CDK13: variants seen among roughly 807,000 people sequenced by gnomAD.
CDK13 encodes cyclin-dependent kinase 13.
A neutral mutation model predicts 137.6 loss-of-function variants in CDK13; 40 were observed. The ratio of observed to expected loss-of-function variants is 0.29; its 90% CI spans 0.23 to 0.38. CDK13 has a LOEUF of 0.38. Ranked by LOEUF, CDK13 falls within the 10% of genes least tolerant of loss-of-function variation. The pLI is 1.00. For synonymous variants in CDK13, 869 were observed against 760.1 expected, an observed-to-expected ratio of 1.14 and a Z score of -2.36; for missense variants, 1,704 against 1,951.8, an observed-to-expected ratio of 0.87 and a Z score of 2.39.
chr7:40,046,507 C>T (rs1785744380), intron 6 of CDK13, among the ~76,000 whole-genome samples: 1 of 150,782 alleles, frequency 6.6e-6, no homozygotes, highest in Non-Finnish European at 1.5e-5. Flanking sequence ...GTTAGCCTAG[C>T]GTGGTGGAGC....
intron 9 of CDK13, chr7:40,066,880 A>G (rs1367417891): frequency 6.6e-6 from 1 of 152,078 alleles, no homozygotes; most frequent in African/African-American, 2.4e-5. Context: ...TGTTTAAATT[A>G]TATATCTGTG....
intron 5 of CDK13, among the ~76,000 whole-genome samples, chr7:40,021,611 T>C (rs1414030719): frequency 3.3e-5 from 5 of 152,216 alleles, no homozygotes; most frequent in Non-Finnish European, 7.3e-5. Flanking sequence ...TTTTGAAAAC[T>C]AGTTAGAAAC....
intron 2 of CDK13, among the ~76,000 whole-genome samples, chr7:39,995,941 T>C (rs1176644764): frequency 1.3e-5 from 2 of 152,108 alleles, no homozygotes; most frequent in African/African-American, 2.4e-5. Flanking sequence ...ACTCGGGAGA[T>C]GGAGGTTGCA....
intron 11 of CDK13, among the ~76,000 whole-genome samples, chr7:40,087,503 A>G (rs1786814671): frequency 6.6e-6 from 1 of 150,792 alleles, no homozygotes; most frequent in South Asian, 2.1e-4. Flanking sequence ...ATGTACTATC[A>G]TAAGAACTGA....
intron 1 of CDK13, among the ~76,000 whole-genome samples, chr7:39,959,992 T>G (rs1291486657): frequency 1.3e-5 from 2 of 151,996 alleles, no homozygotes; most frequent in African/African-American, 4.8e-5. Context: ...GGTAGTAGTT[T>G]CTCCCAGGTA....
At chr7:40,038,729 C>T (rs1562742767) in intron 5 of CDK13, among the ~76,000 whole-genome samples, 1 of 152,062 alleles carries the variant, frequency 6.6e-6, no homozygotes, top group Admixed American at 6.6e-5. Context: ...GAGTTTCGCT[C>T]TTGTTGCCCA....
chr7:39,953,045 A>T (rs1049410637), intron 1 of CDK13: 1 of 152,148 alleles, frequency 6.6e-6, no homozygotes, highest in Non-Finnish European at 1.5e-5. Context: ...GATGTACAGT[A>T]CCTCTAAGTA....
At position 40,096,164 on chromosome 7, in the gene CDK13, A is replaced by G. The variant is rs1047247006; in HGVS notation, c.*1184A>G. On this transcript the variant is annotated 3_prime_UTR_variant, in exon 14 of 14. Coordinates refer to ENST00000181839, the MANE Select transcript of CDK13 (RefSeq NM_003718.5). ...GCAAATACCGTATTTTAAGTTATGC[A>G]ATTGCCCTTTTAAGAAAGTCAATTC... 6.6e-6 allele frequency: 1 copy of G among 152,142 alleles called. No homozygotes were observed. The highest frequency in any genetic ancestry group is 6.6e-5 in the Admixed American group (1 of 15,250). 9.4% of individuals were successfully genotyped at this position (152,142 alleles called of 1,614,324 possible). A position where few individuals can be genotyped will look rare whatever the true frequency, so the allele number is the denominator to read the frequency against.
chr7:40,042,149 G>A (rs1294346033), intron 5 of CDK13, among the ~76,000 whole-genome samples: 2 of 151,770 alleles, frequency 1.3e-5, no homozygotes, highest in Non-Finnish European at 2.9e-5. Flanking sequence ...GCGCGATCTC[G>A]GCTCACTGCA....
At chr7:40,025,294 C>T (rs192063255) in intron 5 of CDK13, among the ~76,000 whole-genome samples, 206 of 152,252 alleles carry the variant, frequency 1.4e-3, no homozygotes, top group Non-Finnish European at 2.6e-3. Flanking sequence ...TTCCAGCCTC[C>T]TGATGTGAAC....
chr7:40,044,746 C>T (rs1180928414), intron 5 of CDK13, among the ~76,000 whole-genome samples: 1 of 152,152 alleles, frequency 6.6e-6, no homozygotes, highest in Non-Finnish European at 1.5e-5. Flanking sequence ...ATGCCATTCT[C>T]CTGCCTCAGC....
intron 1 of CDK13, among the ~76,000 whole-genome samples, chr7:39,953,633 G>A (rs1263535205): frequency 1.3e-5 from 2 of 152,222 alleles, no homozygotes; most frequent in South Asian, 2.1e-4. Context: ...TTAGGTATTG[G>A]GATGTAGCAG....
chr7:39,991,857 G>T (rs1784460910), intron 2 of CDK13, among the ~76,000 whole-genome samples: 1 of 151,918 alleles, frequency 6.6e-6, no homozygotes, highest in African/African-American at 2.4e-5. Flanking sequence ...TTTGAGAGGA[G>T]CCTCGGCAAC....
At chr7:39,971,630 C>CTCACGTCTGTAA (rs111915526) in intron 1 of CDK13, among the ~76,000 whole-genome samples, 1 of 151,888 alleles carries the variant, frequency 6.6e-6, no homozygotes, top group Non-Finnish European at 1.5e-5. Flanking sequence ...GGTGTGGTGG[C>CTCACGTCTGTAA]TCGCAGCACT....
intron 1 of CDK13, among the ~76,000 whole-genome samples, chr7:39,972,449 A>G (rs959971767): frequency 5.9e-5 from 9 of 152,228 alleles, no homozygotes; most frequent in Non-Finnish European, 1.3e-4. Context: ...GAGAAACTCC[A>G]TGGCTATTTA....
At chr7:40,025,539 C>A (rs1785225604) in intron 5 of CDK13, among the ~76,000 whole-genome samples, 1 of 152,158 alleles carries the variant, frequency 6.6e-6, no homozygotes, top group Non-Finnish European at 1.5e-5. Flanking sequence ...CAGGTAGGAT[C>A]TATATTAATT....
At chr7:39,980,688 C>A (rs1784205805) in intron 1 of CDK13, among the ~76,000 whole-genome samples, 1 of 152,154 alleles carries the variant, frequency 6.6e-6, no homozygotes. Context: ...TTGAGTGATG[C>A]TGCTCTGTGT....
intron 1 of CDK13, among the ~76,000 whole-genome samples, chr7:39,982,165 CT>C (rs1784241285): frequency 2.7e-5 from 4 of 147,128 alleles, no homozygotes; most frequent in African/African-American, 1.0e-4. Context: ...TCCCTCCCCC[CT>C]CCCCCTACCC....
rs1314136582 is a variant in CDK13 at position 39,988,244 on chromosome 7, TAAA to T, written c.1858_1860del (p.Lys620del). The T allele has an allele frequency of 8.8e-6, 14 of 1,596,482 alleles. No homozygotes were observed. Among genetic ancestry groups the T allele is most frequent in the South Asian group, 2.3e-5 (2 of 87,306 alleles). Reference sequence around the variant, plus strand: ...CTTTGCCTCCCATGCTGCCTGAAGATAAAGAAGCTGATAGGTAAGTGCAAAAAG... The same window carrying T: ...CTTTGCCTCCCATGCTGCCTGAAGATGAAGCTGATAGGTAAGTGCAAAAAG... On this transcript the variant is annotated inframe_deletion, in exon 2 of 14. Coordinates refer to ENST00000181839, the MANE Select transcript of CDK13 (RefSeq NM_003718.5).
Sources: gnomAD v4.1 joint callset for allele counts (sites outside exome capture counted in the v4.1 genomes callset) on GRCh38, gnomAD v4.1.1 for gene constraint, MANE v1.5 for transcripts, NCBI Gene and HGNC (gene_info 2026-07-23, HGNC 2026-07-21) for gene names.